OR6N1: variants seen among roughly 807,000 people sequenced by gnomAD.
OR6N1 encodes olfactory receptor family 6 subfamily N member 1, also known as olfactory receptor 6N1.
For missense variants in OR6N1, 394 were observed against 371.7 expected, an observed-to-expected ratio of 1.06 and a Z score of -0.49; for synonymous variants, 170 against 150.7, an observed-to-expected ratio of 1.13 and a Z score of -0.94.
At chr1:158,773,475 A>G (rs857833), upstream of OR6N1, among the ~76,000 whole-genome samples, 121,625 of 151,990 alleles carry the variant, frequency 0.8, 48,848 homozygotes, top group East Asian at 0.97. Context: ...CCTAAAATAT[A>G]TCCATCAATT....
At chr1:158,795,531 C>T in the OR6N1 span, among the ~76,000 whole-genome samples, 4 of 152,234 alleles carry the variant, frequency 2.6e-5, no homozygotes, top group East Asian at 3.8e-4. Context: ...TGCCAGTAGA[C>T]TTCTGCAAGG....
At chr1:158,776,113 A>G (rs1227309905), upstream of OR6N1, 2 of 152,258 alleles carry the variant, frequency 1.3e-5, no homozygotes, top group African/African-American at 4.8e-5. Flanking sequence ...CACAAGAAAG[A>G]TAAGAAAATT....
chr1:158,787,583 A>G, the OR6N1 span, among the ~76,000 whole-genome samples: 1 of 147,418 alleles, frequency 6.8e-6, no homozygotes, highest in Non-Finnish European at 1.5e-5. Flanking sequence ...TTACATGTAT[A>G]TACTTTCTCT....
chr1:158,813,280 A>C, the OR6N1 span, among the ~76,000 whole-genome samples: 2 of 152,364 alleles, frequency 1.3e-5, no homozygotes, highest in Admixed American at 1.3e-4. Context: ...GCAGATGTGT[A>C]TACACACATA....
At chr1:158,836,257 T>C in the OR6N1 span, among the ~76,000 whole-genome samples, 2 of 152,026 alleles carry the variant, frequency 1.3e-5, no homozygotes, top group East Asian at 1.9e-4. Context: ...AGTTTGGAAG[T>C]GTTCCCTCCT....
chr1:158,774,289 T>G (rs1657523628), upstream of OR6N1: 1 of 152,210 alleles, frequency 6.6e-6, no homozygotes, highest in Non-Finnish European at 1.5e-5. Flanking sequence ...CAGGGAGGAT[T>G]TGGAGAAAAG....
chr1:158,770,725 G>A (rs1239613122), intron 1 of OR6N1, among the ~76,000 whole-genome samples: 1 of 152,096 alleles, frequency 6.6e-6, no homozygotes, highest in Non-Finnish European at 1.5e-5. Flanking sequence ...CTTCATATTT[G>A]TACTTATGTT....
At chr1:158,799,289 G>T in the OR6N1 span, among the ~76,000 whole-genome samples, 1 of 152,086 alleles carries the variant, frequency 6.6e-6, no homozygotes, top group Non-Finnish European at 1.5e-5. Flanking sequence ...ATAAAATATT[G>T]GCATTACGTT....
At chr1:158,834,365 T>A in the OR6N1 span, among the ~76,000 whole-genome samples, 1 of 151,874 alleles carries the variant, frequency 6.6e-6, no homozygotes, top group Admixed American at 6.6e-5. Flanking sequence ...CCCATGTAGC[T>A]GGGACTACAG....
the OR6N1 span, among the ~76,000 whole-genome samples, chr1:158,803,355 C>T: frequency 2.0e-4 from 31 of 152,166 alleles, no homozygotes; most frequent in Admixed American, 2.0e-3. Flanking sequence ...CTCTGAAATA[C>T]CTAACCTTTC....
the OR6N1 span, among the ~76,000 whole-genome samples, chr1:158,821,762 G>A: frequency 2.0e-5 from 3 of 152,156 alleles, no homozygotes; most frequent in African/African-American, 7.2e-5. Flanking sequence ...GGCTTCTTGT[G>A]TGGACATAAG....
At chr1:158,784,388 C>T in the OR6N1 span, among the ~76,000 whole-genome samples, 2 of 151,970 alleles carry the variant, frequency 1.3e-5, no homozygotes, top group Non-Finnish European at 2.9e-5. Flanking sequence ...TTAGCCTATC[C>T]TTCTCCTCAT....
At chr1:158,816,347 G>C in the OR6N1 span, among the ~76,000 whole-genome samples, 5 of 152,006 alleles carry the variant, frequency 3.3e-5, no homozygotes, top group Admixed American at 3.3e-4. Context: ...GAGAACTGTG[G>C]AGATCATAAT....
chr1:158,803,783 G>A, the OR6N1 span, among the ~76,000 whole-genome samples: 16,145 of 152,256 alleles, frequency 0.11, 1,002 homozygotes, highest in Admixed American at 0.19. Context: ...GTAGATATGC[G>A]TACTAAACAA....
At chr1:158,811,499 T>C in the OR6N1 span, among the ~76,000 whole-genome samples, 2 of 152,184 alleles carry the variant, frequency 1.3e-5, no homozygotes, top group Non-Finnish European at 2.9e-5. Flanking sequence ...TTCATCACTA[T>C]CAGCATCATT....
rs918665354 is a variant in OR6N1 at position 158,765,511 on chromosome 1, C to T, written c.*233G>A. The T allele has an allele frequency of 2.2e-6, 1 of 458,302 alleles. No homozygotes were observed. Among genetic ancestry groups the T allele is most frequent in the Non-Finnish European group, 3.9e-6 (1 of 256,424 alleles). The allele number at this position is 458,302 out of a possible 1,614,324, so 28.4% of individuals were successfully genotyped here. On this transcript the variant is annotated 3_prime_UTR_variant, in exon 2 of 2. Transcript: ENST00000641846. The stretch of plus-strand genomic sequence containing the variant: ...CATCTGAGTTTTGAAAATCACTGCA[C>T]TACATCATGTTGAAGGGATGTGTAC...
At chr1:158,800,531 CTCAAA>C in the OR6N1 span, among the ~76,000 whole-genome samples, 1 of 152,114 alleles carries the variant, frequency 6.6e-6, no homozygotes, top group East Asian at 1.9e-4. Flanking sequence ...ATAGAAAAAC[CTCAAA>C]TTGGACAACT....
chr1:158,775,360 A>G (rs1657564952), upstream of OR6N1: 2 of 152,196 alleles, frequency 1.3e-5, no homozygotes, highest in African/African-American at 4.8e-5. Context: ...AGAAAAATCC[A>G]TAATGTATTT....
chr1:158,777,725 T>C, the OR6N1 span: 1 of 794,614 alleles, frequency 1.3e-6, no homozygotes, highest in Non-Finnish European at 2.0e-6. Context: ...TCTCTCTCTT[T>C]TTAACTTAAA....
Sources: allele counts gnomAD v4.1 joint callset (sites outside exome capture counted in the v4.1 genomes callset), GRCh38; gene constraint gnomAD v4.1.1; transcripts MANE v1.5; gene names NCBI Gene and HGNC (gene_info 2026-07-23, HGNC 2026-07-21).